Variants in SNAPC4 observed in about 807,000 individuals in gnomAD.
The protein encoded by SNAPC4 is snRNA-activating protein complex subunit 4.
In SNAPC4, 127 loss-of-function variants were observed where a neutral mutation model predicts 151.3. The ratio of observed to expected loss-of-function variants is 0.84; its 90% confidence interval spans 0.73 to 0.97. The LOEUF (loss-of-function observed/expected upper bound fraction) is 0.97. Ranked by LOEUF, SNAPC4 falls within the 50% of genes least tolerant of loss-of-function variation. The pLI is 0.00. For synonymous variants in SNAPC4, 1,002 were observed against 824.4 expected (o/e 1.22, Z -3.69); for missense variants, 2,186 against 1,935.0 (o/e 1.13, Z -2.43).
Position 136,398,373 on chromosome 9 carries a change from C to T in SNAPC4, c.56G>A (p.Arg19Lys). 1 of 1,614,000 alleles carries T rather than the reference C, an allele frequency of 6.2e-7. No homozygotes were observed. Among genetic ancestry groups the T allele is most frequent in the Middle Eastern group, 1.7e-4 (1 of 6,060 alleles). ...KITQEIKELE[R>K]ILDPGSSGSH... is the part of the protein sequence containing the mutation. ...GCCCGAGGAGCCGGGATCCAAAATCCTTTCCAGCTCCTTGATCTCCTGTGT... is the reference window on the plus strand; with the variant it reads ...GCCCGAGGAGCCGGGATCCAAAATCTTTTCCAGCTCCTTGATCTCCTGTGT... The change falls in exon 2 of 24, where the codon AGG becomes AAG. Residue 19 changes from arginine (R) to lysine (K), a missense_variant. Physicochemically the swap from Arg to Lys is conservative, Grantham distance 26. Coordinates refer to ENST00000684778, the MANE Select transcript of SNAPC4 (RefSeq NM_003086.4).
At position 136,392,068 on chromosome 9, in the gene SNAPC4, G is replaced by T. The variant is rs200248168; in HGVS notation, c.849C>A (p.Phe283Leu). ...TGCTGGGGTGCTCCGAGTTCTGCCA[G>T]AACTTCCGGATCTCCTCTGCACTGC... Reference protein sequence around the residue: ...GSRSAEEIRKFWQNSEHPSIN... With the variant: ...GSRSAEEIRKLWQNSEHPSIN... Residue 283 changes from phenylalanine (F) to leucine (L), a missense_variant, in exon 10 of 24, where the codon TTC (phenylalanine) becomes TTA (leucine). Transcript: ENST00000684778. 2.5e-6 allele frequency: 4 copies of T among 1,612,572 alleles called. No individual in the cohort carries two copies. Among genetic ancestry groups the T allele is most frequent in the Non-Finnish European group, 3.4e-6 (4 of 1,179,988 alleles).
intron 10 of SNAPC4, 36 bp downstream of exon 10, chr9:136,391,906 G>A: frequency 6.3e-7 from 1 of 1,589,394 alleles, no homozygotes; most frequent in South Asian, 1.1e-5. Flanking sequence ...ACGCCCTCAG[G>A]TCTCCTGGCC....
intron 7 of SNAPC4, among the ~76,000 whole-genome samples, chr9:136,393,387 C>T (rs1432989191): frequency 6.6e-6 from 1 of 152,256 alleles, no homozygotes; most frequent in Non-Finnish European, 1.5e-5. Flanking sequence ...CCACAGAAGA[C>T]AGATGGGGAC....
At chr9:136,393,580 T>TGGGAAA (rs1564393682) in intron 7 of SNAPC4, among the ~76,000 whole-genome samples, 1 of 152,094 alleles carries the variant, frequency 6.6e-6, no homozygotes, top group African/African-American at 2.4e-5. Context: ...GTTTCAGGAA[T>TGGGAAA]GGGAAAGGGA....
At chr9:136,394,601 C>A (rs1407141938) in intron 6 of SNAPC4, among the ~76,000 whole-genome samples, 199 bp downstream of exon 6, 1 of 152,186 alleles carries the variant, frequency 6.6e-6, no homozygotes, top group Non-Finnish European at 1.5e-5. Context: ...GCTAGCCCCT[C>A]GTGACTGGTG....
intron 20 of SNAPC4, 115 bp from the exon 21 acceptor site, chr9:136,379,979 G>A (rs1043609256): frequency 1.1e-5 from 15 of 1,424,892 alleles, no homozygotes; most frequent in African/African-American, 8.5e-5. Context: ...GAGGCCCCAA[G>A]GGCTGGTGCT....
intron 11 of SNAPC4, 97 bp downstream of exon 11, chr9:136,388,347 T>C: frequency 7.8e-7 from 1 of 1,283,548 alleles, no homozygotes; most frequent in Non-Finnish European, 1.1e-6. Flanking sequence ...CCCTCGTCTG[T>C]CTTGTTGCTT....
At position 136,378,052 on chromosome 9, in the gene SNAPC4, G is replaced by A. The variant is rs1833526328; in HGVS notation, c.3775C>T (p.Leu1259=). 6.3e-7 allele frequency: 1 copy of A among 1,578,700 alleles called. No homozygotes were observed. Among genetic ancestry groups the A allele is most frequent in the Non-Finnish European group, 8.6e-7 (1 of 1,163,140 alleles). ...CCCTTCTCAGGCCCAGGCTGGGGTA[G>A]GGGCGGCTTCTCCAGGTCCAGGGCC... ...KGALDLEKPP[L]PQPGPEKGAL... Residue 1259 remains leucine, a synonymous_variant, in exon 22 of 24, where the codon CTA becomes TTA. Transcript: ENST00000684778.
At chr9:136,385,425 A>G (rs1302820482) in intron 13 of SNAPC4, among the ~76,000 whole-genome samples, 4 of 152,244 alleles carry the variant, frequency 2.6e-5, no homozygotes, top group Admixed American at 2.6e-4. Context: ...TTTCACTCGC[A>G]GGATATAGCT....
intron 3 of SNAPC4, 90 bp from the exon 4 acceptor site, chr9:136,395,860 G>T: frequency 3.8e-6 from 5 of 1,310,260 alleles, no homozygotes; most frequent in Non-Finnish European, 5.3e-6. Context: ...TGGGCCTCTG[G>T]GACACCGAGG....
Position 136,395,443 on chromosome 9 carries a change from G to T in SNAPC4, c.346-20C>A, listed in dbSNP as rs756025748. 1 of 1,609,966 alleles carries T rather than the reference G, an allele frequency of 6.2e-7. No homozygotes were observed. Among genetic ancestry groups the T allele is most frequent in the Non-Finnish European group, 8.5e-7 (1 of 1,177,946 alleles). On this transcript the variant is annotated intron_variant, in intron 4 of 23. Transcript: ENST00000684778. ...TTCCTCCTGTGACAGACACAAGGCA[G>T]GGACCCCTCTATGGACCAGCAGCAA...
chr9:136,388,459 T>G lies in SNAPC4; in HGVS notation c.1108A>C (p.Ile370Leu). The G allele has an allele frequency of 6.2e-7, 1 of 1,613,096 alleles. No individual in the cohort carries two copies. The highest frequency in any genetic ancestry group is 8.5e-7 in the Non-Finnish European group (1 of 1,179,770). ...GGGGCCTCACTTCTGCGGTAGGGGA[T>G]GTGGCTGCCGACGCGCATCTCCTGC... ...LVQEMRVGSH[I>L]PYRRIVYYME... The change falls in exon 11 of 24, where the codon ATC (isoleucine) becomes CTC (leucine). Residue 370 changes from isoleucine to leucine, a missense_variant. Physicochemically the swap from Ile to Leu is conservative, Grantham distance 5. Transcript: ENST00000684778.
chr9:136,390,499 G>A (rs1280931318), intron 10 of SNAPC4, among the ~76,000 whole-genome samples: 1 of 138,020 alleles, frequency 7.2e-6, no homozygotes, highest in East Asian at 2.5e-4. Context: ...AGCTTGCGGT[G>A]AGCTGAGATC....
chr9:136,397,012 A>G lies in SNAPC4; in HGVS notation c.142T>C (p.Ser48Pro). 6.2e-7 allele frequency: 1 copy of G among 1,612,866 alleles called. No individual in the cohort carries two copies. Among genetic ancestry groups the G allele is most frequent in the Non-Finnish European group, 8.5e-7 (1 of 1,179,886 alleles). The change falls in exon 3 of 24, where the codon TCT (serine) becomes CCT (proline). Residue 48 changes from serine to proline, a missense_variant. Ser to Pro is a moderately conservative substitution (Grantham distance 74). Coordinates refer to ENST00000684778, the MANE Select transcript of SNAPC4 (RefSeq NM_003086.4). ...GGATCGGCAGGATCCAAGTCCTCAG[A>G]AGGCAGTGAATCTGTCAGAAACACA... is the stretch of plus-strand genomic sequence containing the variant. ...ESDSEADSLP[S>P]EDLDPADPPI...
Position 136,378,970 on chromosome 9 carries a change from A to G in SNAPC4, c.2857T>C (p.Ser953Pro). ...PGPTVLNVPL[S>P]GPGAPAAAKP... is the part of the protein sequence containing the mutation. The stretch of plus-strand genomic sequence containing the variant: ...GCTGCCGCGGGGGCCCCAGGCCCAG[A>G]GAGCGGTACATTTAAGACGGTGGGA... The change falls in exon 22 of 24, where the codon TCT becomes CCT. Residue 953 changes from serine to proline, a missense_variant. By Grantham distance (74) the Ser-to-Pro change is moderately conservative. Transcript: ENST00000684778. 6.2e-7 allele frequency: 1 copy of G among 1,608,842 alleles called. No homozygotes were observed. Among genetic ancestry groups the G allele is most frequent in the Non-Finnish European group, 8.5e-7 (1 of 1,178,672 alleles).
At chr9:136,387,128 G>A (rs1002446251) in intron 13 of SNAPC4, among the ~76,000 whole-genome samples, 1 of 152,238 alleles carries the variant, frequency 6.6e-6, no homozygotes, top group East Asian at 1.9e-4. Flanking sequence ...AAATAAGCAG[G>A]AAAAGGAGGG....
intron 13 of SNAPC4, among the ~76,000 whole-genome samples, chr9:136,385,537 TTA>T (rs1833859836): frequency 6.6e-6 from 1 of 150,766 alleles, no homozygotes; most frequent in African/African-American, 2.4e-5. Context: ...AACGCGGTAT[TTA>T]TATGAGAATC....
At chr9:136,382,808 G>A (rs1833747093) in intron 16 of SNAPC4, among the ~76,000 whole-genome samples, 1 of 152,210 alleles carries the variant, frequency 6.6e-6, no homozygotes, top group South Asian at 2.1e-4. Context: ...CCACAAGCCA[G>A]GCTTGTCCCA....
At chr9:136,379,457 G>A (rs936088521) in intron 21 of SNAPC4, among the ~76,000 whole-genome samples, 158 bp from the exon 22 acceptor site, 19 of 152,208 alleles carry the variant, frequency 1.2e-4, no homozygotes, top group African/African-American at 4.6e-4. Context: ...CCAAGTCACA[G>A]TGGCTACCCC....
Sources: gnomAD v4.1 joint callset for allele counts (sites outside exome capture counted in the v4.1 genomes callset) on GRCh38, gnomAD v4.1.1 for gene constraint, MANE v1.5 for transcripts, NCBI Gene and HGNC (gene_info 2026-07-23, HGNC 2026-07-21) for gene names.